The following KLRF1 variants were observed in gnomAD, a reference collection of about 807,000 sequenced individuals.
KLRF1 encodes the protein killer cell lectin like receptor F1.
KLRF1 carries 27 observed loss-of-function variants against 30.7 expected under a neutral mutation model. The ratio of observed to expected loss-of-function variants is 0.88; its 90% confidence interval spans 0.65 to 1.21. KLRF1 has a LOEUF of 1.21. Among genes scored for constraint, KLRF1 ranks in the 50% most tolerant of loss-of-function variants. The probability of loss-of-function intolerance (pLI) is 0.00; values close to 1 mark genes in which losing one functional copy is unlikely to be tolerated. For missense variants in KLRF1, 246 were observed against 259.3 expected, an observed-to-expected ratio of 0.95 and a Z score of 0.35; for synonymous variants, 92 against 89.3, an observed-to-expected ratio of 1.03 and a Z score of -0.17.
the KLRF1 span, among the ~76,000 whole-genome samples, chr12:9,807,188 T>TGA: frequency 2.1e-4 from 1 of 4,812 alleles, no homozygotes; most frequent in African/African-American, 2.3e-4. Context: ...AGAAAATCAC[T>TGA]CATGATTTTA....
the KLRF1 span, among the ~76,000 whole-genome samples, chr12:9,818,901 T>C: frequency 6.6e-6 from 1 of 152,192 alleles, no homozygotes; most frequent in Non-Finnish European, 1.5e-5. Flanking sequence ...CACCTTCAAC[T>C]GAAGCATCCA....
chr12:9,840,898 T>G (rs2121235566), intron 3 of KLRF1, among the ~76,000 whole-genome samples: 1 of 152,204 alleles, frequency 6.6e-6, no homozygotes, highest in Non-Finnish European at 1.5e-5. Flanking sequence ...TGGCAATTCC[T>G]CAAAGACCTA....
the KLRF1 span, among the ~76,000 whole-genome samples, chr12:9,806,552 C>T: frequency 1.3e-5 from 2 of 152,066 alleles, no homozygotes; most frequent in African/African-American, 4.8e-5. Flanking sequence ...GGATTGTGTT[C>T]ATTTAATCCA....
chr12:9,831,651 C>T (rs924853517), intron 1 of KLRF1, among the ~76,000 whole-genome samples: 1 of 152,060 alleles, frequency 6.6e-6, no homozygotes, highest in Non-Finnish European at 1.5e-5. Flanking sequence ...AGACCTAAAT[C>T]CTCTGGATGA....
chr12:9,806,603 G>A, the KLRF1 span, among the ~76,000 whole-genome samples: 1 of 151,920 alleles, frequency 6.6e-6, no homozygotes, highest in Admixed American at 6.6e-5. Flanking sequence ...ATCCATTTCT[G>A]TTTACTAGAA....
intron 3 of KLRF1, among the ~76,000 whole-genome samples, chr12:9,839,845 G>A (rs1565509274): frequency 1.3e-5 from 2 of 151,938 alleles, no homozygotes; most frequent in Non-Finnish European, 2.9e-5. Flanking sequence ...CAACTTTTAG[G>A]TATATATTTA....
chr12:9,834,801 C>T (rs966873756), intron 3 of KLRF1, among the ~76,000 whole-genome samples: 2 of 152,068 alleles, frequency 1.3e-5, no homozygotes, highest in African/African-American at 4.8e-5. Flanking sequence ...TGTTGTCATA[C>T]ACCAGGCCAG....
the KLRF1 span, among the ~76,000 whole-genome samples, chr12:9,820,003 G>A: frequency 2.6e-5 from 4 of 152,044 alleles, no homozygotes; most frequent in Non-Finnish European, 4.4e-5. Flanking sequence ...AGAGTCTGAG[G>A]TTATGAGGGG....
At position 9,834,445 on chromosome 12, in the gene KLRF1, G is replaced by A. The variant is rs60685387; in HGVS notation, c.334+993G>A. ...GGGGGGTAGCATGGAGAGATAATGG[G>A]CGATGTTTCTCAGGGCTTCTTCGAG... On this transcript the variant is annotated intron_variant, in intron 3 of 5. Transcript: ENST00000617889. Among the ~76,000 whole-genome samples the A allele has an allele frequency of 7.7e-3, 1,178 of 152,146 alleles. 15 individuals are homozygous for A. Among genetic ancestry groups the A allele is most frequent in the African/African-American group, 0.027 (1,109 of 41,504 alleles).
upstream of KLRF1, among the ~76,000 whole-genome samples, chr12:9,823,622 T>A (rs1181515155): frequency 2.0e-5 from 3 of 151,352 alleles, no homozygotes; most frequent in African/African-American, 7.3e-5. Context: ...AGCAGAAGAC[T>A]AAATATAACC....
intron 2 of KLRF1, 128 bp from the exon 3 acceptor site, chr12:9,833,175 T>A (rs1867482769): frequency 1.4e-5 from 8 of 586,290 alleles, no homozygotes. Flanking sequence ...ATGAAAATTT[T>A]AAAAAGATCC....
the KLRF1 span, among the ~76,000 whole-genome samples, chr12:9,804,725 G>A: frequency 1.3e-5 from 2 of 151,914 alleles, no homozygotes; most frequent in South Asian, 2.1e-4. Flanking sequence ...TGATCTTATA[G>A]GGAAAGCCTC....
At chr12:9,803,070 G>C in the KLRF1 span, among the ~76,000 whole-genome samples, 1 of 152,078 alleles carries the variant, frequency 6.6e-6, no homozygotes, top group Non-Finnish European at 1.5e-5. Context: ...ATACTGCAAG[G>C]CTACAGTAAC....
At chr12:9,821,200 A>G in the KLRF1 span, among the ~76,000 whole-genome samples, 2 of 152,070 alleles carry the variant, frequency 1.3e-5, no homozygotes, top group East Asian at 3.9e-4. Context: ...TCTGCTCCCC[A>G]AAAAGTGGAA....
At chr12:9,802,366 C>A in the KLRF1 span, among the ~76,000 whole-genome samples, 68 of 151,990 alleles carry the variant, frequency 4.5e-4, no homozygotes, top group African/African-American at 1.4e-3. Flanking sequence ...TATGACAAAC[C>A]CACAGCCAAT....
the KLRF1 span, among the ~76,000 whole-genome samples, chr12:9,810,587 A>G: frequency 1.3e-5 from 2 of 152,214 alleles, no homozygotes; most frequent in Non-Finnish European, 2.9e-5. Flanking sequence ...GACTAGTAGG[A>G]TATTAAAATG....
the KLRF1 span, among the ~76,000 whole-genome samples, chr12:9,816,571 A>G: frequency 1.3e-5 from 2 of 151,996 alleles, no homozygotes; most frequent in African/African-American, 4.8e-5. Context: ...GAGATGCAGA[A>G]AACATTCTAT....
the KLRF1 span, among the ~76,000 whole-genome samples, chr12:9,802,843 C>T: frequency 6.6e-6 from 1 of 152,000 alleles, no homozygotes; most frequent in Non-Finnish European, 1.5e-5. Flanking sequence ...ATTCCATGCT[C>T]GTGGATAGGA....
chr12:9,824,522 G>A (rs1462640847), upstream of KLRF1, among the ~76,000 whole-genome samples: 3 of 152,040 alleles, frequency 2.0e-5, no homozygotes, highest in Non-Finnish European at 4.4e-5. Context: ...TCCTGAACAG[G>A]TGAAAGCTGG....
Sources: allele counts gnomAD v4.1 joint callset (sites outside exome capture counted in the v4.1 genomes callset), GRCh38; gene constraint gnomAD v4.1.1; transcripts MANE v1.5; gene names NCBI Gene and HGNC (gene_info 2026-07-23, HGNC 2026-07-21).